RAD17: variants seen among roughly 807,000 people sequenced by gnomAD.
RAD17 encodes RAD17 checkpoint clamp loader component.
RAD17 carries 31 observed loss-of-function variants against 81.5 expected under a neutral mutation model. The observed-to-expected ratio is 0.38, with a 90% CI of 0.29 to 0.51. The LOEUF (loss-of-function observed/expected upper bound fraction) is 0.51, where lower values mean the gene tolerates loss of function less well. Ranked by LOEUF, RAD17 falls within the 20% of genes least tolerant of loss-of-function variation. The pLI is 0.88. For synonymous variants in RAD17, 261 were observed against 266.2 expected, an observed-to-expected ratio of 0.98 and a Z score of 0.19; for missense variants, 681 against 781.2, an observed-to-expected ratio of 0.87 and a Z score of 1.53.
intron 17 of RAD17, among the ~76,000 whole-genome samples, chr5:69,406,811 T>C (rs1235937824): frequency 6.6e-6 from 1 of 151,862 alleles, no homozygotes; most frequent in African/African-American, 2.4e-5. Context: ...CGAACCAATA[T>C]ATTGTATTCT....
chr5:69,371,816 T>C (rs1763025858), intron 3 of RAD17, among the ~76,000 whole-genome samples: 1 of 152,106 alleles, frequency 6.6e-6, no homozygotes, highest in South Asian at 2.1e-4. Context: ...GAGAGAAATA[T>C]GAGTGGTAGT....
At chr5:69,388,935 C>G in intron 11 of RAD17, 99 bp from the exon 12 acceptor site, 1 of 613,586 alleles carries the variant, frequency 1.6e-6, no homozygotes, top group Non-Finnish European at 2.6e-6. Flanking sequence ...TTAAAAGAAT[C>G]TAATTTACGT....
intron 17 of RAD17, among the ~76,000 whole-genome samples, chr5:69,404,220 T>G (rs886984918): frequency 2.2e-4 from 34 of 152,152 alleles, no homozygotes; most frequent in African/African-American, 7.7e-4. Flanking sequence ...AGATCCTGAT[T>G]ATAGGCAACA....
Position 69,372,181 on chromosome 5 carries a change from C to G in RAD17, c.-28C>G. 6.2e-7 allele frequency: 1 copy of G among 1,607,536 alleles called. No homozygotes were observed. Among genetic ancestry groups the G allele is most frequent in the South Asian group, 1.1e-5 (1 of 90,452 alleles). ...GAGGAAAGGGGCCAAGATTATAGTA[C>G]CAGTCACAATCTTTTGATGAGGACG... is the stretch of plus-strand genomic sequence containing the variant. On this transcript the variant is annotated 5_prime_UTR_variant, in exon 4 of 19. Coordinates refer to ENST00000354868, the MANE Select transcript of RAD17 (RefSeq NM_133338.3).
At chr5:69,400,506 G>A (rs1418002926) in intron 17 of RAD17, among the ~76,000 whole-genome samples, 3 of 152,048 alleles carry the variant, frequency 2.0e-5, no homozygotes, top group Non-Finnish European at 4.4e-5. Flanking sequence ...GTGAGCCACC[G>A]CACACGGCCA....
rs1286543212 is a variant in RAD17 at position 69,386,236 on chromosome 5, G to A, written c.755G>A (p.Ser252Asn). 6.2e-7 allele frequency: 1 copy of A among 1,608,592 alleles called. No homozygotes were observed. Among genetic ancestry groups the A allele is most frequent in the East Asian group, 2.2e-5 (1 of 44,648 alleles). ...PLIFIISDSL[S>N]GDNNQRLLFP... ...ATATTTATAATCTCGGACAGTCTCAGTGGAGATAATAATCAAAGGTTATTG... is the reference window on the plus strand; with the variant it reads ...ATATTTATAATCTCGGACAGTCTCAATGGAGATAATAATCAAAGGTTATTG... The change falls in exon 10 of 19, where the codon AGT becomes AAT. Residue 252 changes from serine (S) to asparagine (N), a missense_variant. Physicochemically the swap from Ser to Asn is conservative, Grantham distance 46. Transcript: ENST00000354868.
chr5:69,393,717 TATTTTC>T (rs962033167), intron 15 of RAD17, among the ~76,000 whole-genome samples: 1 of 151,994 alleles, frequency 6.6e-6, no homozygotes, highest in African/African-American at 2.4e-5. Flanking sequence ...TTTCTAAAGT[TATTTTC>T]TTTTTTTCTT....
At chr5:69,384,027 G>C (rs1273357014) in intron 7 of RAD17, 1 of 152,066 alleles carries the variant, frequency 6.6e-6, no homozygotes, top group Non-Finnish European at 1.5e-5. Context: ...TTAGCCAGGC[G>C]TGGTGGTGTG....
chr5:69,386,348 T>C (rs1410490324), intron 10 of RAD17, 43 bp downstream of exon 10: 1 of 1,580,860 alleles, frequency 6.3e-7, no homozygotes, highest in Admixed American at 1.9e-5. Flanking sequence ...ATACATATTA[T>C]ATTTTTAAAT....
At position 69,374,621 on chromosome 5, in the gene RAD17, G is replaced by A; in HGVS notation, c.268-7G>A. The A allele has an allele frequency of 6.3e-7, 1 of 1,596,538 alleles. No homozygotes were observed. Among genetic ancestry groups the A allele is most frequent in the South Asian group, 1.2e-5 (1 of 86,680 alleles). Reference sequence around the variant, plus strand: ...GTTTTGTTTTAAATTTGAAATTTTTGTTGTAGCATGAACTTGCTGTGCATA... The same window carrying A: ...GTTTTGTTTTAAATTTGAAATTTTTATTGTAGCATGAACTTGCTGTGCATA... On this transcript the variant is annotated splice_polypyrimidine_tract_variant and splice_region_variant and intron_variant, in intron 5 of 18. Transcript: ENST00000354868.
At chr5:69,388,371 T>G (rs1764343775) in intron 11 of RAD17, among the ~76,000 whole-genome samples, 1 of 152,216 alleles carries the variant, frequency 6.6e-6, no homozygotes, top group African/African-American at 2.4e-5. Context: ...TATTTAATTT[T>G]ATCACAGTCT....
chr5:69,401,227 A>G (rs1765245576), intron 17 of RAD17, among the ~76,000 whole-genome samples: 1 of 152,194 alleles, frequency 6.6e-6, no homozygotes, highest in Non-Finnish European at 1.5e-5. Context: ...AAAAGTTTCT[A>G]AAGTAAAAAT....
chr5:69,404,038 A>G (rs1479922157), intron 17 of RAD17, among the ~76,000 whole-genome samples: 1 of 152,186 alleles, frequency 6.6e-6, no homozygotes, highest in Non-Finnish European at 1.5e-5. Context: ...GAAGATTAGC[A>G]CCACAGACAG....
chr5:69,405,568 G>A (rs965499864), intron 17 of RAD17, among the ~76,000 whole-genome samples: 5 of 151,890 alleles, frequency 3.3e-5, no homozygotes, highest in African/African-American at 9.7e-5. Flanking sequence ...TTGGGAGGCC[G>A]AGGCAGGAGA....
intron 6 of RAD17, 92 bp downstream of exon 6, chr5:69,374,803 G>C (rs1763237173): frequency 8.8e-7 from 1 of 1,138,720 alleles, no homozygotes; most frequent in Non-Finnish European, 1.3e-6. Context: ...TGATGATTTT[G>C]TTCAAAATAA....
chr5:69,379,883 T>C (rs940819539), intron 6 of RAD17, among the ~76,000 whole-genome samples: 9 of 151,820 alleles, frequency 5.9e-5, no homozygotes, highest in African/African-American at 1.5e-4. Context: ...TATAGTTAAC[T>C]TCTTTTTTTT....
intron 16 of RAD17, among the ~76,000 whole-genome samples, chr5:69,398,375 C>T (rs939998490): frequency 1.3e-5 from 2 of 152,200 alleles, no homozygotes; most frequent in Admixed American, 1.3e-4. Flanking sequence ...TGTGTTCTTA[C>T]TCTCCACAGC....
intron 5 of RAD17, 70 bp from the exon 6 acceptor site, chr5:69,374,558 C>G (rs961821057): frequency 1.0e-6 from 1 of 1,002,600 alleles, no homozygotes; most frequent in African/African-American, 1.6e-5. Context: ...TGCTTAGGTT[C>G]ATATGTGCTG....
rs755835986 is a variant in RAD17, at chr5:69,386,048, A to C, written c.651A>C (p.Leu217Phe). The change falls in exon 9 of 19, where the codon TTA becomes TTC. Residue 217 changes from leucine (L) to phenylalanine (F), a missense_variant. Coordinates refer to ENST00000354868, the MANE Select transcript of RAD17 (RefSeq NM_133338.3). ...TTATTTTTTATTTTCAATAGGATTT[A>C]CCTAACCAGTTTTATCGGGATTCTC... is the stretch of plus-strand genomic sequence containing the variant. ...TDKKIILVED[L>F]PNQFYRDSHT... 17 of 1,590,312 alleles carry C rather than the reference A, an allele frequency of 1.1e-5. 1 individual carries two copies. In the East Asian group the frequency reaches 3.6e-4, roughly 34 times the overall value.
Sources: gnomAD v4.1 joint callset for allele counts (sites outside exome capture counted in the v4.1 genomes callset) on GRCh38, gnomAD v4.1.1 for gene constraint, MANE v1.5 for transcripts, NCBI Gene and HGNC (gene_info 2026-07-23, HGNC 2026-07-21) for gene names.